Variants in ASTN1 observed in about 807,000 individuals in gnomAD.
ASTN1 encodes astrotactin 1, also known as astrotactin-1.
ASTN1 carries 41 observed loss-of-function variants against 140.7 expected under a neutral mutation model. The observed-to-expected ratio is 0.29, with a 90% CI of 0.23 to 0.38. The LOEUF is 0.38. ASTN1 is among the 10% of genes least tolerant of loss of function. ASTN1 has a pLI of 1.00. For missense variants in ASTN1, 1,479 were observed against 1,678.8 expected (o/e 0.88, Z 2.08); for synonymous variants, 640 against 652.2 (o/e 0.98, Z 0.29).
At chr1:177,004,925 T>G (rs1017389606) in intron 8 of ASTN1, among the ~76,000 whole-genome samples, 1 of 152,148 alleles carries the variant, frequency 6.6e-6, no homozygotes, top group Non-Finnish European at 1.5e-5. Flanking sequence ...GGCAAATAAT[T>G]TATGACTAAG....
At chr1:177,046,820 A>G (rs1448526663) in intron 2 of ASTN1, among the ~76,000 whole-genome samples, 1 of 152,170 alleles carries the variant, frequency 6.6e-6, no homozygotes, top group East Asian at 1.9e-4. Context: ...GAGCCACAGG[A>G]CCAGAGACGA....
At chr1:176,978,514 C>T (rs990248171) in intron 8 of ASTN1, among the ~76,000 whole-genome samples, 5 of 151,974 alleles carry the variant, frequency 3.3e-5, no homozygotes, top group African/African-American at 7.3e-5. Context: ...AAGCAGTGGT[C>T]GAGGAAGAGG....
intron 8 of ASTN1, among the ~76,000 whole-genome samples, chr1:176,993,444 A>G (rs1236195656): frequency 6.6e-6 from 1 of 152,204 alleles, no homozygotes; most frequent in Non-Finnish European, 1.5e-5. Context: ...TGTTCTGGGA[A>G]GGCTTTCTGG....
chr1:176,889,844 C>T (rs1669189253), intron 17 of ASTN1, among the ~76,000 whole-genome samples: 1 of 152,168 alleles, frequency 6.6e-6, no homozygotes, highest in South Asian at 2.1e-4. Context: ...AGTGCCAGAA[C>T]CTGAGTTCAA....
At chr1:176,943,784 A>G in intron 14 of ASTN1, 107 bp downstream of exon 14, 1 of 1,355,540 alleles carries the variant, frequency 7.4e-7, no homozygotes, top group Non-Finnish European at 9.8e-7. Context: ...TATGAAGGAA[A>G]TCACTGGCTT....
intron 14 of ASTN1, among the ~76,000 whole-genome samples, chr1:176,938,594 C>G (rs558290192): frequency 6.6e-6 from 1 of 152,288 alleles, no homozygotes; most frequent in African/African-American, 2.4e-5. Context: ...CTCTGGCTAC[C>G]TGGCTCAGGG....
chr1:176,917,897 G>T (rs1163715462), intron 16 of ASTN1, among the ~76,000 whole-genome samples: 1 of 152,170 alleles, frequency 6.6e-6, no homozygotes, highest in Admixed American at 6.5e-5. Context: ...TCACTTCACA[G>T]GGTGGCGAGA....
At chr1:177,082,344 G>A (rs974851207) in intron 1 of ASTN1, among the ~76,000 whole-genome samples, 1 of 152,052 alleles carries the variant, frequency 6.6e-6, no homozygotes, top group Admixed American at 6.6e-5. Flanking sequence ...GAGAGGGATG[G>A]GCTCCATGCT....
intron 8 of ASTN1, among the ~76,000 whole-genome samples, chr1:177,000,174 C>T (rs576481973): frequency 6.6e-6 from 1 of 152,164 alleles, no homozygotes; most frequent in Non-Finnish European, 1.5e-5. Flanking sequence ...ATACACTTTG[C>T]CTTTTTGACA....
At chr1:177,010,034 T>C (rs1675212857) in intron 8 of ASTN1, among the ~76,000 whole-genome samples, 1 of 152,208 alleles carries the variant, frequency 6.6e-6, no homozygotes, top group Admixed American at 6.5e-5. Context: ...TTGGGTGTAC[T>C]TTTAATTTAA....
intron 11 of ASTN1, among the ~76,000 whole-genome samples, chr1:176,955,487 G>A (rs541001377): frequency 5.3e-5 from 8 of 152,174 alleles, no homozygotes; most frequent in African/African-American, 1.4e-4. Context: ...CTGCCAATCC[G>A]CCTGCCCCTC....
chr1:177,099,581 A>T (rs1680204138), intron 1 of ASTN1, among the ~76,000 whole-genome samples: 1 of 152,166 alleles, frequency 6.6e-6, no homozygotes, highest in Admixed American at 6.5e-5. Flanking sequence ...AAATATTAAT[A>T]TTAAAAATTA....
intron 9 of ASTN1, among the ~76,000 whole-genome samples, chr1:176,962,067 G>GA (rs1292901337): frequency 6.6e-6 from 1 of 152,190 alleles, no homozygotes; most frequent in Non-Finnish European, 1.5e-5. Flanking sequence ...CTCTTGACCT[G>GA]GCATCTCCAC....
downstream of ASTN1, among the ~76,000 whole-genome samples, chr1:176,860,259 C>T (rs1667925136): frequency 6.6e-6 from 1 of 152,186 alleles, no homozygotes; most frequent in African/African-American, 2.4e-5. Context: ...CAGTAGATCA[C>T]ACTTTATATG....
chr1:176,901,445 T>G, intron 16 of ASTN1, among the ~76,000 whole-genome samples: 1 of 152,148 alleles, frequency 6.6e-6, no homozygotes, highest in East Asian at 1.9e-4. Context: ...GTGTCCTGGG[T>G]CAGTGAAACC....
chr1:177,080,082 T>A (rs1679103069), intron 1 of ASTN1, among the ~76,000 whole-genome samples: 1 of 152,068 alleles, frequency 6.6e-6, no homozygotes, highest in Non-Finnish European at 1.5e-5. Context: ...ATGCTGTGAA[T>A]GTTATGTGTT....
intron 14 of ASTN1, among the ~76,000 whole-genome samples, chr1:176,940,124 T>G (rs1671653396): frequency 6.6e-6 from 1 of 152,144 alleles, no homozygotes; most frequent in African/African-American, 2.4e-5. Context: ...CTCTACCTCC[T>G]CTGGACTTCC....
At chr1:176,891,676 C>T (rs528483893) in intron 17 of ASTN1, among the ~76,000 whole-genome samples, 102 of 152,144 alleles carry the variant, frequency 6.7e-4, no homozygotes, top group Non-Finnish European at 1.0e-3. Context: ...GCCTGTAATC[C>T]CAGCTACTCG....
intron 11 of ASTN1, among the ~76,000 whole-genome samples, chr1:176,949,831 G>T (rs1672119164): frequency 6.6e-6 from 1 of 152,214 alleles, no homozygotes; most frequent in South Asian, 2.1e-4. Context: ...GGGGGGAATG[G>T]ACTGAGCCAG....
Sources: allele counts gnomAD v4.1 joint callset (sites outside exome capture counted in the v4.1 genomes callset), GRCh38; gene constraint gnomAD v4.1.1; transcripts MANE v1.5; gene names NCBI Gene and HGNC (gene_info 2026-07-23, HGNC 2026-07-21).